The following FRAS1 variants were observed in gnomAD, a reference collection of about 807,000 sequenced individuals.
The protein encoded by FRAS1 is extracellular matrix organizing protein FRAS1.
A neutral mutation model predicts 435.2 loss-of-function variants in FRAS1; 290 were observed. The ratio of observed to expected loss-of-function variants is 0.67; its 90% CI spans 0.61 to 0.73. The LOEUF is 0.73. FRAS1 is among the 30% of genes least tolerant of loss of function. The pLI is 0.00. For synonymous variants in FRAS1, 1,800 were observed against 1,851.0 expected (o/e 0.97, Z 0.71); for missense variants, 4,860 against 5,001.5 (o/e 0.97, Z 0.85).
rs533776133 is a variant in FRAS1 at position 78,309,519 on chromosome 4, G to A, written c.1678+1310G>A. 7.3e-4 allele frequency among the ~76,000 whole-genome samples: 111 copies of A among 152,134 alleles called. 3 individuals carry two copies. The highest frequency in any genetic ancestry group is 1.6e-4 in the Non-Finnish European group (11 of 68,020). ...ATTTTCCAGATAGGAAACAGAGAGG[G>A]TAAGAAACTTGCTTAAGGTCACACA... On this transcript the variant is annotated intron_variant, in intron 15 of 73. Coordinates refer to ENST00000512123, the MANE Select transcript of FRAS1 (RefSeq NM_025074.7).
At chr4:78,488,330 A>C (rs2109864556) in intron 58 of FRAS1, among the ~76,000 whole-genome samples, 1 of 152,314 alleles carries the variant, frequency 6.6e-6, no homozygotes, top group African/African-American at 2.4e-5. Context: ...TTTGAAAATA[A>C]GATCTGGCAA....
chr4:78,355,161 C>A (rs1578269290), intron 20 of FRAS1, among the ~76,000 whole-genome samples: 1 of 152,142 alleles, frequency 6.6e-6, no homozygotes, highest in South Asian at 2.1e-4. Context: ...ACAATAAATG[C>A]ATTTATTTCA....
At chr4:78,466,508 A>G (rs1719534144) in intron 50 of FRAS1, 73 bp downstream of exon 50, 2 of 1,107,958 alleles carry the variant, frequency 1.8e-6, no homozygotes, top group Admixed American at 2.2e-5. Flanking sequence ...TTTTACATCA[A>G]GCATACCATT....
intron 2 of FRAS1, among the ~76,000 whole-genome samples, chr4:78,179,161 A>C (rs1721899000): frequency 6.6e-6 from 1 of 152,206 alleles, no homozygotes; most frequent in Admixed American, 6.5e-5. Context: ...ATAGCAAAGG[A>C]AAACTTCTTG....
chr4:78,522,294 C>T (rs1006638948), intron 68 of FRAS1, among the ~76,000 whole-genome samples: 4 of 152,150 alleles, frequency 2.6e-5, no homozygotes, highest in South Asian at 4.1e-4. Context: ...CTTTCTACCT[C>T]CAAGAAACAT....
intron 2 of FRAS1, among the ~76,000 whole-genome samples, chr4:78,187,728 C>A (rs757792307): frequency 6.6e-6 from 1 of 152,096 alleles, no homozygotes; most frequent in Non-Finnish European, 1.5e-5. Flanking sequence ...CTCAGCCTCC[C>A]TAGTAACTGG....
chr4:78,290,487 C>T (rs1245644113), intron 14 of FRAS1, among the ~76,000 whole-genome samples: 7 of 150,864 alleles, frequency 4.6e-5, no homozygotes, highest in South Asian at 4.2e-4. Context: ...GAGGGAGTCG[C>T]GCTCTGTCAT....
chr4:78,137,077 C>T (rs1228835516), intron 2 of FRAS1, among the ~76,000 whole-genome samples: 1 of 152,216 alleles, frequency 6.6e-6, no homozygotes, highest in East Asian at 1.9e-4. Context: ...AGATTTAATG[C>T]TACATCTCAA....
intron 27 of FRAS1, among the ~76,000 whole-genome samples, chr4:78,383,833 A>G (rs1254519383): frequency 6.6e-6 from 1 of 152,190 alleles, no homozygotes; most frequent in Non-Finnish European, 1.5e-5. Flanking sequence ...CATAATTATT[A>G]TTATTGTTAT....
intron 41 of FRAS1, among the ~76,000 whole-genome samples, chr4:78,443,128 C>T (rs948372436): frequency 7.9e-5 from 12 of 152,136 alleles, no homozygotes; most frequent in Non-Finnish European, 1.5e-4. Flanking sequence ...GTGGGAGGAT[C>T]GCTTGAGTCC....
At chr4:78,486,951 A>C (rs930472132) in intron 58 of FRAS1, among the ~76,000 whole-genome samples, 3 of 151,930 alleles carry the variant, frequency 2.0e-5, no homozygotes, top group African/African-American at 7.3e-5. Context: ...TGCATGACCA[A>C]ACCTAAACAT....
At chr4:78,272,022 C>T (rs538390752) in intron 9 of FRAS1, among the ~76,000 whole-genome samples, 18 of 152,328 alleles carry the variant, frequency 1.2e-4, no homozygotes, top group African/African-American at 3.4e-4. Flanking sequence ...TGGTGTGAGA[C>T]GGTATCTCAC....
chr4:78,264,173 G>T (rs781053945), intron 6 of FRAS1, among the ~76,000 whole-genome samples: 2 of 152,192 alleles, frequency 1.3e-5, no homozygotes, highest in Non-Finnish European at 2.9e-5. Flanking sequence ...GAAGGCTGTA[G>T]TGATAAGTCA....
chr4:78,237,246 C>G (rs186373080), intron 2 of FRAS1, among the ~76,000 whole-genome samples: 15 of 152,238 alleles, frequency 9.9e-5, no homozygotes, highest in Admixed American at 5.2e-4. Flanking sequence ...TCAGGCCAAT[C>G]GATGATTTTT....
chr4:78,260,754 G>T (rs1726052795), intron 6 of FRAS1, among the ~76,000 whole-genome samples: 1 of 152,146 alleles, frequency 6.6e-6, no homozygotes, highest in African/African-American at 2.4e-5. Flanking sequence ...AATAGGAGTG[G>T]TGAGAGAGGG....
At chr4:78,305,528 T>C (rs572996672) in intron 14 of FRAS1, among the ~76,000 whole-genome samples, 1 of 145,976 alleles carries the variant, frequency 6.9e-6, no homozygotes, top group East Asian at 2.0e-4. Flanking sequence ...AGGACTTGCT[T>C]TATGAATCTG....
chr4:78,497,391 T>TA (rs5859628), intron 60 of FRAS1, among the ~76,000 whole-genome samples: 2,003 of 145,792 alleles, frequency 0.014, 30 homozygotes, highest in African/African-American at 0.043. Flanking sequence ...CCTACTAACC[T>TA]AAAAAAAAAA....
intron 22 of FRAS1, among the ~76,000 whole-genome samples, chr4:78,369,553 G>C (rs1269190291): frequency 6.6e-6 from 1 of 152,220 alleles, no homozygotes; most frequent in Non-Finnish European, 1.5e-5. Flanking sequence ...AGGGATCTTA[G>C]AGTAAGCATA....
Position 78,384,145 on chromosome 4 carries a change from T to G in FRAS1, c.3648+2T>G. The stretch of plus-strand genomic sequence containing the variant: ...AACATACAAGCATTTTCAACACAGG[T>G]AATAAAAATGGCCACGTAATTAATA... On this transcript the variant is annotated splice_donor_variant, in intron 28 of 73. Coordinates refer to ENST00000512123, the MANE Select transcript of FRAS1 (RefSeq NM_025074.7). LOFTEE classifies it high-confidence loss of function. The G allele has an allele frequency of 6.3e-7, 1 of 1,576,906 alleles. No individual in the cohort carries two copies. The highest frequency in any genetic ancestry group is 1.4e-5 in the African/African-American group (1 of 73,332).
Sources: gnomAD v4.1 joint callset for allele counts (sites outside exome capture counted in the v4.1 genomes callset) on GRCh38, gnomAD v4.1.1 for gene constraint, MANE v1.5 for transcripts, NCBI Gene and HGNC (gene_info 2026-07-23, HGNC 2026-07-21) for gene names.